Variants in SNX29 observed in about 807,000 individuals in gnomAD.
The protein encoded by SNX29 is sorting nexin-29.
A neutral mutation model predicts 102.1 loss-of-function variants in SNX29; 78 were observed. The observed-to-expected ratio is 0.76, with a 90% CI of 0.64 to 0.92. The LOEUF is 0.92. SNX29 is among the 40% of genes least tolerant of loss of function. The probability of loss-of-function intolerance (pLI) is 0.00; values close to 1 mark genes in which losing one functional copy is unlikely to be tolerated. For synonymous variants in SNX29, 580 were observed against 414.5 expected, an observed-to-expected ratio of 1.40 and a Z score of -4.85; for missense variants, 1,280 against 1,061.7, an observed-to-expected ratio of 1.21 and a Z score of -2.86.
intron 18 of SNX29, among the ~76,000 whole-genome samples, chr16:12,416,712 C>T (rs1312231762): frequency 5.3e-5 from 8 of 152,150 alleles, no homozygotes; most frequent in Admixed American, 5.2e-4. Flanking sequence ...GGGGAGCAGG[C>T]ATGTCACATG....
chr16:12,010,631 C>G (rs932116672), intron 3 of SNX29, among the ~76,000 whole-genome samples: 2 of 152,082 alleles, frequency 1.3e-5, no homozygotes, highest in Non-Finnish European at 2.9e-5. Context: ...TCAAAACAAA[C>G]AAACAAACAA....
At chr16:12,022,746 C>A (rs201784643) in intron 3 of SNX29, among the ~76,000 whole-genome samples, 1 of 152,198 alleles carries the variant, frequency 6.6e-6, no homozygotes, top group East Asian at 1.9e-4. Context: ...ATAAATTGAA[C>A]CATGGTTATG....
At chr16:12,502,569 A>G (rs144564866) in intron 19 of SNX29, among the ~76,000 whole-genome samples, 1 of 152,100 alleles carries the variant, frequency 6.6e-6, no homozygotes, top group Non-Finnish European at 1.5e-5. Flanking sequence ...TGTTTTACAG[A>G]TAGGGAAACT....
intron 13 of SNX29, among the ~76,000 whole-genome samples, chr16:12,190,499 G>C (rs1276591824): frequency 6.6e-6 from 1 of 152,124 alleles, no homozygotes; most frequent in Non-Finnish European, 1.5e-5. Context: ...GTGGAGGCAG[G>C]GTTGGCAGGA....
chr16:12,382,182 G>T (rs1293110627), intron 16 of SNX29, among the ~76,000 whole-genome samples: 1 of 152,104 alleles, frequency 6.6e-6, no homozygotes, highest in Admixed American at 6.5e-5. Flanking sequence ...ATGAGGACCT[G>T]CGATAGACGA....
At chr16:12,547,475 C>T (rs931912015) in intron 20 of SNX29, among the ~76,000 whole-genome samples, 1 of 152,096 alleles carries the variant, frequency 6.6e-6, no homozygotes, top group Non-Finnish European at 1.5e-5. Context: ...GGGGTATTCT[C>T]AAAGTAGAAC....
At chr16:12,135,501 A>T in intron 13 of SNX29, 7 of 1,316,550 alleles carry the variant, frequency 5.3e-6, no homozygotes, top group Non-Finnish European at 7.0e-6. Context: ...CAGTTACTGC[A>T]TTCTTGAGAG....
At chr16:12,334,339 G>A (rs745537962) in intron 15 of SNX29, among the ~76,000 whole-genome samples, 1 of 152,154 alleles carries the variant, frequency 6.6e-6, no homozygotes, top group Non-Finnish European at 1.5e-5. Flanking sequence ...TTTGAGGTCT[G>A]GGGCTTCGCT....
At chr16:12,552,505 T>G (rs907603568) in intron 20 of SNX29, among the ~76,000 whole-genome samples, 2 of 152,128 alleles carry the variant, frequency 1.3e-5, no homozygotes, top group African/African-American at 4.8e-5. Context: ...TGCTCAAAAA[T>G]AGCCTGCCAA....
chr16:12,305,312 C>T (rs2080304860), intron 15 of SNX29, among the ~76,000 whole-genome samples: 1 of 152,230 alleles, frequency 6.6e-6, no homozygotes, highest in African/African-American at 2.4e-5. Context: ...GAAGATCCCC[C>T]CCGGCCACGG....
intron 19 of SNX29, among the ~76,000 whole-genome samples, chr16:12,495,254 C>G (rs905273647): frequency 2.0e-5 from 3 of 152,156 alleles, no homozygotes; most frequent in Admixed American, 2.0e-4. Context: ...CAGGTTCAAG[C>G]AATCCTCCTG....
At chr16:12,198,391 G>A (rs1342191344) in intron 13 of SNX29, among the ~76,000 whole-genome samples, 1 of 152,134 alleles carries the variant, frequency 6.6e-6, no homozygotes. Context: ...CAAGGTATTG[G>A]GGTCTTACCA....
At chr16:12,478,794 T>C (rs1173150148) in intron 19 of SNX29, among the ~76,000 whole-genome samples, 3 of 152,166 alleles carry the variant, frequency 2.0e-5, no homozygotes, top group Admixed American at 2.0e-4. Flanking sequence ...TCCATCCCCA[T>C]TCTGATTGAA....
At chr16:12,386,618 G>C (rs1038595561) in intron 16 of SNX29, among the ~76,000 whole-genome samples, 2 of 152,176 alleles carry the variant, frequency 1.3e-5, no homozygotes, top group Non-Finnish European at 2.9e-5. Flanking sequence ...TCCAGAGAAG[G>C]AGTCTGCTAA....
intron 18 of SNX29, among the ~76,000 whole-genome samples, chr16:12,420,568 G>T (rs555297367): frequency 6.6e-6 from 1 of 152,272 alleles, no homozygotes; most frequent in South Asian, 2.1e-4. Flanking sequence ...TGAAACCCGA[G>T]TTCACACCTG....
chr16:12,558,560 C>T (rs543788629), intron 20 of SNX29, among the ~76,000 whole-genome samples: 1 of 152,208 alleles, frequency 6.6e-6, no homozygotes, highest in African/African-American at 2.4e-5. Flanking sequence ...CCTCTCAGTA[C>T]CCCGTCCATG....
chr16:12,061,627 G>C lies in SNX29; in HGVS notation c.1224G>C (p.Val408=), dbSNP rs1412915113. ...ACATCCTCTTCCCTGTCAGTGGCGT[G>C]GGCTCCTACAGCCCAGCAGGTGGGT... ...DSDILFPVSG[V]GSYSPADAPL... Residue 408 remains valine, a synonymous_variant, in exon 9 of 21, where the codon GTG becomes GTC. Transcript: ENST00000566228. 6.2e-7 allele frequency: 1 copy of C among 1,611,618 alleles called. No homozygotes were observed.
chr16:12,480,691 C>T (rs1340032427), intron 19 of SNX29, among the ~76,000 whole-genome samples: 1 of 152,174 alleles, frequency 6.6e-6, no homozygotes, highest in African/African-American at 2.4e-5. Flanking sequence ...TCAAGCCCCC[C>T]AGTTACACAA....
intron 8 of SNX29, among the ~76,000 whole-genome samples, chr16:12,056,668 C>T (rs2050533299): frequency 6.6e-6 from 1 of 152,114 alleles, no homozygotes; most frequent in African/African-American, 2.4e-5. Context: ...GTTTACTGGT[C>T]ATTAACCCAT....
Sources: gnomAD v4.1 joint callset for allele counts (sites outside exome capture counted in the v4.1 genomes callset) on GRCh38, gnomAD v4.1.1 for gene constraint, MANE v1.5 for transcripts, NCBI Gene and HGNC (gene_info 2026-07-23, HGNC 2026-07-21) for gene names.